NLRP11: variants seen among roughly 807,000 people sequenced by gnomAD.
NLRP11 encodes NACHT, LRR and PYD domains-containing protein 11.
A neutral mutation model predicts 79.3 loss-of-function variants in NLRP11; 53 were observed. The ratio of observed to expected loss-of-function variants is 0.67; its 90% CI spans 0.54 to 0.84. NLRP11 has a LOEUF of 0.84. Ranked by LOEUF, NLRP11 falls within the 40% of genes least tolerant of loss-of-function variation. The pLI, the probability that NLRP11 is intolerant of heterozygous loss-of-function variation, is 0.00. For synonymous variants in NLRP11, 518 were observed against 462.6 expected (o/e 1.12, Z -1.54); for missense variants, 1,264 against 1,255.0 (o/e 1.01, Z -0.11).
intron 4 of NLRP11, 103 bp downstream of exon 4, chr19:55,807,750 T>G: frequency 1.3e-6 from 1 of 746,634 alleles, no homozygotes; most frequent in South Asian, 2.3e-5. Flanking sequence ...CTGATGAGCC[T>G]GACCTGAAAG....
chr19:55,816,074 G>C (rs966029599), intron 2 of NLRP11, among the ~76,000 whole-genome samples: 1 of 152,158 alleles, frequency 6.6e-6, no homozygotes, highest in Non-Finnish European at 1.5e-5. Context: ...GTTTAACCAA[G>C]TAAATATTGT....
At chr19:55,836,132 T>G (rs1983252141), upstream of NLRP11, among the ~76,000 whole-genome samples, 2 of 152,066 alleles carry the variant, frequency 1.3e-5, no homozygotes, top group Non-Finnish European at 2.9e-5. Context: ...TAATAATAAT[T>G]AATAATTTCT....
At chr19:55,822,110 A>C (rs1300653512) in intron 1 of NLRP11, among the ~76,000 whole-genome samples, 1 of 152,196 alleles carries the variant, frequency 6.6e-6, no homozygotes, top group Non-Finnish European at 1.5e-5. Flanking sequence ...AATACAAAAA[A>C]ATTAGGCAAG....
chr19:55,786,664 T>G (rs1294179071), intron 9 of NLRP11, among the ~76,000 whole-genome samples: 1 of 152,226 alleles, frequency 6.6e-6, no homozygotes, highest in Non-Finnish European at 1.5e-5. Context: ...AATTAGCATG[T>G]AGGCACAAAT....
chr19:55,835,292 T>C (rs1349436778), upstream of NLRP11, among the ~76,000 whole-genome samples: 1 of 152,220 alleles, frequency 6.6e-6, no homozygotes, highest in African/African-American at 2.4e-5. Flanking sequence ...GTAACGATTG[T>C]AGGGAAGCTG....
chr19:55,791,404 T>C (rs1016401492), intron 7 of NLRP11, among the ~76,000 whole-genome samples: 3 of 152,226 alleles, frequency 2.0e-5, no homozygotes, highest in African/African-American at 7.2e-5. Flanking sequence ...CCTGCCCATT[T>C]GTACCAAATT....
chr19:55,799,507 G>A (rs1258068838), intron 5 of NLRP11, among the ~76,000 whole-genome samples: 1 of 152,030 alleles, frequency 6.6e-6, no homozygotes, highest in African/African-American at 2.4e-5. Flanking sequence ...CAAGGTTTGG[G>A]AAAAACCAAA....
intron 9 of NLRP11, among the ~76,000 whole-genome samples, chr19:55,788,562 A>C (rs1396031285): frequency 6.6e-6 from 1 of 151,572 alleles, no homozygotes; most frequent in Non-Finnish European, 1.5e-5. Context: ...AACATGGTGA[A>C]ACCCCGTCTC....
exon 10 of NLRP11, chr19:55,785,509 A>G (rs949401124): frequency 1.2e-6 from 1 of 825,092 alleles, no homozygotes; most frequent in South Asian, 1.8e-5. Flanking sequence ...ACACACACAC[A>G]CACACACACA....
intron 5 of NLRP11, among the ~76,000 whole-genome samples, chr19:55,799,052 AG>A (rs1189868914): frequency 6.6e-6 from 1 of 152,090 alleles, no homozygotes; most frequent in Non-Finnish European, 1.5e-5. Context: ...AGATCACGTG[AG>A]GTCAGGAGTT....
At chr19:55,785,991 T>TA (rs1175272787) in intron 9 of NLRP11, 120 bp from the exon 10 acceptor site, 1 of 1,064,962 alleles carries the variant, frequency 9.4e-7, no homozygotes, top group Non-Finnish European at 1.4e-6. Context: ...TCTCAAGCCA[T>TA]CTCTGAGGAA....
intron 2 of NLRP11, 40 bp downstream of exon 2, chr19:55,817,862 AGT>A (rs772046613): frequency 1.3e-4 from 194 of 1,511,120 alleles, no homozygotes; most frequent in Non-Finnish European, 1.6e-4. Flanking sequence ...CTTCCTGTGA[AGT>A]GCCCTGATTT....
chr19:55,821,752 C>A (rs932083497), intron 1 of NLRP11, among the ~76,000 whole-genome samples: 1 of 147,570 alleles, frequency 6.8e-6, no homozygotes, highest in Non-Finnish European at 1.5e-5. Context: ...ATGGGAGAAC[C>A]CATTAACATT....
At chr19:55,800,482 A>AT (rs1979371855) in intron 5 of NLRP11, among the ~76,000 whole-genome samples, 1 of 151,876 alleles carries the variant, frequency 6.6e-6, no homozygotes, top group Non-Finnish European at 1.5e-5. Flanking sequence ...TAATTTTTGT[A>AT]TTTTTAGTAG....
At chr19:55,820,093 A>G (rs1199876333) in intron 1 of NLRP11, among the ~76,000 whole-genome samples, 1 of 152,154 alleles carries the variant, frequency 6.6e-6, no homozygotes, top group African/African-American at 2.4e-5. Context: ...CAAGGTAAGA[A>G]CTATGACACC....
At chr19:55,797,164 T>C (rs1978999966) in intron 5 of NLRP11, among the ~76,000 whole-genome samples, 1 of 152,108 alleles carries the variant, frequency 6.6e-6, no homozygotes, top group Non-Finnish European at 1.5e-5. Context: ...CCAGGAGTGG[T>C]GGTGCACGAC....
At position 55,810,343 on chromosome 19, in the gene NLRP11, T is replaced by C. The variant is rs745669244; in HGVS notation, c.272-5A>G. On this transcript the variant is annotated splice_region_variant and splice_polypyrimidine_tract_variant and intron_variant, in intron 2 of 9. Transcript: ENST00000589093. ...CTTTGCATGCCTCCTGATTGCCTAA[T>C]CCAGCGAGTACAGGGCAGAAAATAC... is the stretch of plus-strand genomic sequence containing the variant. The C allele has an allele frequency of 6.2e-7, 1 of 1,603,812 alleles. No homozygotes were observed. Among genetic ancestry groups the C allele is most frequent in the African/African-American group, 1.3e-5 (1 of 74,720 alleles).
chr19:55,817,524 G>A (rs1981253096), intron 2 of NLRP11, among the ~76,000 whole-genome samples: 1 of 152,076 alleles, frequency 6.6e-6, no homozygotes, highest in East Asian at 1.9e-4. Context: ...AGCATTTGCA[G>A]CAAGCTGGAT....
intron 2 of NLRP11, among the ~76,000 whole-genome samples, chr19:55,811,427 G>C (rs1337446632): frequency 2.0e-5 from 3 of 152,188 alleles, no homozygotes; most frequent in Non-Finnish European, 2.9e-5. Context: ...GAGCCTGGCA[G>C]CATGGAAGAA....
Sources: gnomAD v4.1 joint callset for allele counts (sites outside exome capture counted in the v4.1 genomes callset) on GRCh38, gnomAD v4.1.1 for gene constraint, MANE v1.5 for transcripts, NCBI Gene and HGNC (gene_info 2026-07-23, HGNC 2026-07-21) for gene names.